Variants in IMPA2 observed in about 807,000 individuals in gnomAD.
IMPA2 encodes IMP 2.
In IMPA2, 32 loss-of-function variants were observed where a neutral mutation model predicts 35.1. The ratio of observed to expected loss-of-function variants is 0.91; its 90% CI spans 0.69 to 1.23. IMPA2 has a LOEUF of 1.23. Among genes scored for constraint, IMPA2 ranks in the 50% most tolerant of loss-of-function variants. The probability of loss-of-function intolerance (pLI) is 0.00; values close to 1 mark genes in which losing one functional copy is unlikely to be tolerated. For missense variants in IMPA2, 334 were observed against 387.6 expected, an observed-to-expected ratio of 0.86 and a Z score of 1.16; for synonymous variants, 135 against 160.6, an observed-to-expected ratio of 0.84 and a Z score of 1.20.
At chr18:12,004,640 C>G (rs1907204501) in intron 2 of IMPA2, among the ~76,000 whole-genome samples, 1 of 151,706 alleles carries the variant, frequency 6.6e-6, no homozygotes, top group African/African-American at 2.4e-5. Flanking sequence ...AAGCGATTCT[C>G]CTGCCTTCCA....
At chr18:12,022,562 T>A (rs1907763480) in intron 5 of IMPA2, among the ~76,000 whole-genome samples, 1 of 146,234 alleles carries the variant, frequency 6.8e-6, no homozygotes, top group Admixed American at 6.8e-5. Context: ...TATATTTGTG[T>A]GTGTGTGTGC....
chr18:11,996,527 G>T (rs1906962366), intron 1 of IMPA2, among the ~76,000 whole-genome samples: 1 of 152,110 alleles, frequency 6.6e-6, no homozygotes, highest in Non-Finnish European at 1.5e-5. Context: ...TCAGATGGTG[G>T]TCCTGGGTTC....
chr18:12,002,912 G>C (rs1907151236), intron 2 of IMPA2, among the ~76,000 whole-genome samples: 1 of 151,510 alleles, frequency 6.6e-6, no homozygotes, highest in Non-Finnish European at 1.5e-5. Flanking sequence ...AAATAAATAG[G>C]CTGGGCGCGG....
In IMPA2 at chr18:12,010,592, A is replaced by C. The variant is rs2143805084; in HGVS notation, c.335+605A>C. ...TGATGGTGCTGCGCTGCCTGTCTAC[A>C]CGCACAGGTGGCTGGGGGCCTGGGG... On this transcript the variant is annotated intron_variant, in intron 3 of 7. Transcript: ENST00000269159. This position sits in a 1 kb window ranked among gnomAD's most constrained non-coding sequence, Gnocchi z 4.8. Among the ~76,000 whole-genome samples the C allele has an allele frequency of 6.6e-6, 1 of 152,304 alleles. No individual in the cohort carries two copies. The highest frequency in any genetic ancestry group is 2.4e-5 in the African/African-American group (1 of 41,570).
chr18:12,016,801 G>A (rs879595018), intron 5 of IMPA2, among the ~76,000 whole-genome samples: 2 of 152,118 alleles, frequency 1.3e-5, no homozygotes, highest in African/African-American at 2.4e-5. Flanking sequence ...TGAAAACGGG[G>A]ATGCTGATGA....
At chr18:12,016,718 C>T (rs11877397) in intron 5 of IMPA2, among the ~76,000 whole-genome samples, 63,585 of 152,002 alleles carry the variant, frequency 0.42, 15,672 homozygotes, top group Non-Finnish European at 0.56. Context: ...CACACCTGGC[C>T]GATTCTGCCA....
chr18:12,016,334 T>G (rs1907577132), intron 5 of IMPA2, among the ~76,000 whole-genome samples: 1 of 151,992 alleles, frequency 6.6e-6, no homozygotes, highest in Non-Finnish European at 1.5e-5. Flanking sequence ...TTCCTATGGG[T>G]AGATGGACTT....
chr18:11,989,708 G>A (rs891835513), intron 1 of IMPA2, among the ~76,000 whole-genome samples: 1 of 152,222 alleles, frequency 6.6e-6, no homozygotes, highest in Non-Finnish European at 1.5e-5. Context: ...GTGCCAGTGA[G>A]GTCCCACCTG....
intron 7 of IMPA2, 125 bp downstream of exon 7, chr18:12,029,118 T>C: frequency 1.1e-6 from 1 of 897,724 alleles, no homozygotes; most frequent in Non-Finnish European, 1.6e-6. Flanking sequence ...GTTTTTTTTT[T>C]TTTTTTTTTT....
At chr18:11,994,021 A>G (rs758359444) in intron 1 of IMPA2, 9 of 152,268 alleles carry the variant, frequency 5.9e-5, no homozygotes, top group Non-Finnish European at 1.3e-4. Flanking sequence ...TCACAAAGAA[A>G]GTCATCAGAG....
chr18:12,030,523 C>A lies in IMPA2; in HGVS notation c.*65C>A. 1 of 1,296,178 alleles carries A rather than the reference C, an allele frequency of 7.7e-7. No individual in the cohort carries two copies. The highest frequency in any genetic ancestry group is 1.1e-6 in the Non-Finnish European group (1 of 895,436). The allele number at this position is 1,296,178 out of a possible 1,614,324, so 80.3% of individuals were successfully genotyped here. On this transcript the variant is annotated 3_prime_UTR_variant, in exon 8 of 8. Transcript: ENST00000269159. ...CTGCTGTGGGCTCCTGGGGAGGTGG[C>A]CCTCGTGGCCCACGCTCCATGCCAG... is the stretch of plus-strand genomic sequence containing the variant.
At chr18:12,012,062 A>T in intron 3 of IMPA2, 108 bp from the exon 4 acceptor site, 1 of 895,854 alleles carries the variant, frequency 1.1e-6, no homozygotes, top group Non-Finnish European at 1.8e-6. Context: ...CAACCCACCC[A>T]GAGTGTAGGA....
At position 12,010,645 on chromosome 18, in the gene IMPA2, G is replaced by A. The variant is rs952861313; in HGVS notation, c.335+658G>A. 6.6e-6 allele frequency among the ~76,000 whole-genome samples: 1 copy of A among 152,208 alleles called. No individual in the cohort carries two copies. The highest frequency in any genetic ancestry group is 1.9e-4 in the East Asian group (1 of 5,194). ...CAGAGCATGATGTGGCTTAAACGGAGCGTGGTTCTCCAGCTCTGGAGAACC... is the reference window on the plus strand; with the variant it reads ...CAGAGCATGATGTGGCTTAAACGGAACGTGGTTCTCCAGCTCTGGAGAACC... On this transcript the variant is annotated intron_variant, in intron 3 of 7. Coordinates refer to ENST00000269159, the MANE Select transcript of IMPA2 (RefSeq NM_014214.3). The surrounding 1 kb of genome is among the most constrained non-coding windows in gnomAD (Gnocchi z 4.8).
At chr18:12,023,033 G>C (rs1469071468) in intron 5 of IMPA2, among the ~76,000 whole-genome samples, 3 of 134,194 alleles carry the variant, frequency 2.2e-5, no homozygotes, top group Non-Finnish European at 4.6e-5. Flanking sequence ...GGCCTCAAAT[G>C]ATCTACCTGC....
chr18:11,989,117 C>T (rs950729006), intron 1 of IMPA2, among the ~76,000 whole-genome samples: 4 of 152,174 alleles, frequency 2.6e-5, no homozygotes, highest in Admixed American at 6.5e-5. Flanking sequence ...GGCCATGTCC[C>T]GGACAGGAGG....
At position 12,009,918 on chromosome 18, in the gene IMPA2, A is replaced by G. The variant is rs144802922; in HGVS notation, c.266A>G (p.Lys89Arg). Residue 89 changes from lysine to arginine, a missense_variant, in exon 3 of 8, where the codon AAG becomes AGG. Physicochemically the swap from Lys to Arg is conservative, Grantham distance 26. Transcript: ENST00000269159. ...IAEEAAASGA[K>R]CVLTHSPTWI... The stretch of plus-strand genomic sequence containing the variant: ...GAAGAGGCCGCGGCTTCTGGGGCCA[A>G]GTGTGTGCTCACCCACAGCCCGACG... The G allele has an allele frequency of 3.1e-6, 5 of 1,614,070 alleles. No individual in the cohort carries two copies. Among genetic ancestry groups the G allele is most frequent in the Non-Finnish European group, 4.2e-6 (5 of 1,180,048 alleles).
At chr18:11,989,847 G>C (rs1020405989) in intron 1 of IMPA2, among the ~76,000 whole-genome samples, 2 of 152,164 alleles carry the variant, frequency 1.3e-5, no homozygotes, top group African/African-American at 2.4e-5. Context: ...ACTGTCTTTG[G>C]AGTTTGGGGC....
intron 2 of IMPA2, 98 bp downstream of exon 2, chr18:11,999,285 T>C (rs1907052722): frequency 6.4e-6 from 8 of 1,241,818 alleles, no homozygotes; most frequent in Non-Finnish European, 9.0e-6. Flanking sequence ...TGTTTGTTGA[T>C]GTGGCCAGAC....
At chr18:12,009,261 C>G (rs1907364689) in intron 2 of IMPA2, among the ~76,000 whole-genome samples, 1 of 152,070 alleles carries the variant, frequency 6.6e-6, no homozygotes, top group Admixed American at 6.5e-5. Context: ...GGCAACAGAT[C>G]AAGACCCTAT....
Sources: allele counts gnomAD v4.1 joint callset (sites outside exome capture counted in the v4.1 genomes callset), GRCh38; gene constraint gnomAD v4.1.1; non-coding constraint Gnocchi (gnomAD v3.1); transcripts MANE v1.5; gene names NCBI Gene and HGNC (gene_info 2026-07-23, HGNC 2026-07-21).